Variants in SRC observed in about 807,000 individuals in gnomAD.
The protein encoded by SRC is proto-oncogene tyrosine-protein kinase Src.
Under a neutral mutation model 62.9 loss-of-function variants are expected in SRC, and 13 were observed. The observed-to-expected ratio is 0.21, with a 90% confidence interval of 0.13 to 0.33. The LOEUF is 0.33. SRC is among the 10% of genes least tolerant of loss of function. The pLI, the probability that SRC is intolerant of heterozygous loss-of-function variation, is 1.00. For synonymous variants in SRC, 302 were observed against 317.5 expected, an observed-to-expected ratio of 0.95 and a Z score of 0.52; for missense variants, 457 against 737.3, an observed-to-expected ratio of 0.62 and a Z score of 4.40.
chr20:37,357,287 C>T (rs2069897153), intron 1 of SRC, among the ~76,000 whole-genome samples: 1 of 152,216 alleles, frequency 6.6e-6, no homozygotes, highest in Non-Finnish European at 1.5e-5. Flanking sequence ...GGAGGACAGG[C>T]TGGGCTGGCT....
chr20:37,387,589 C>G (rs566765277), intron 5 of SRC, among the ~76,000 whole-genome samples: 105 of 152,338 alleles, frequency 6.9e-4, no homozygotes, highest in Non-Finnish European at 1.4e-3. Context: ...GCTCCGCCTC[C>G]CCCCTTGCAT....
chr20:37,348,558 G>A (rs952876255), intron 1 of SRC, among the ~76,000 whole-genome samples: 1 of 152,174 alleles, frequency 6.6e-6, no homozygotes, highest in African/African-American at 2.4e-5. Context: ...CTAGAAGGTG[G>A]CAGGGCCTGA....
intron 5 of SRC, among the ~76,000 whole-genome samples, chr20:37,390,109 A>G (rs1171635240): frequency 1.3e-5 from 2 of 152,098 alleles, no homozygotes; most frequent in African/African-American, 4.8e-5. Flanking sequence ...ATCTCAGTTT[A>G]CTCTGAGCCC....
chr20:37,375,359 G>A (rs1568629815), intron 2 of SRC, among the ~76,000 whole-genome samples: 1 of 151,946 alleles, frequency 6.6e-6, no homozygotes, highest in Non-Finnish European at 1.5e-5. Context: ...AGCCTCCTGC[G>A]TAGCTGGGTC....
chr20:37,370,310 C>T (rs975350794), intron 2 of SRC, among the ~76,000 whole-genome samples: 2 of 152,266 alleles, frequency 1.3e-5, no homozygotes, highest in African/African-American at 2.4e-5. Flanking sequence ...CTTGGTACCT[C>T]ACGCCTGTAA....
chr20:37,350,957 G>A (rs1443521415), intron 1 of SRC, among the ~76,000 whole-genome samples: 1 of 152,200 alleles, frequency 6.6e-6, no homozygotes, highest in Non-Finnish European at 1.5e-5. Flanking sequence ...GGGGGATTGA[G>A]GCTAGAAAGA....
rs1354417648 is a variant in SRC at position 37,384,120 on chromosome 20, T to A, written c.-4-30T>A. The A allele has an allele frequency of 1.3e-6, 2 of 1,593,360 alleles. No individual in the cohort carries two copies. Among genetic ancestry groups the A allele is most frequent in the African/African-American group, 2.7e-5 (2 of 73,346 alleles). On this transcript the variant is annotated intron_variant, in intron 3 of 13. Transcript: ENST00000373578. This position sits in a 1 kb window ranked among gnomAD's most constrained non-coding sequence, Gnocchi z 6.7. ...GCCAAGGGGCCCCGGCAGCCCTGCC[T>A]GTTCCAGTGTCTTCTCTCTCTCCTG... is the stretch of plus-strand genomic sequence containing the variant.
chr20:37,402,340 G>A lies in SRC; in HGVS notation c.1117-95G>A. The A allele has an allele frequency of 6.8e-7, 1 of 1,477,672 alleles. No individual in the cohort carries two copies. Among genetic ancestry groups the A allele is most frequent in the Non-Finnish European group, 9.2e-7 (1 of 1,089,746 alleles). The allele number at this position is 1,477,672 out of a possible 1,614,324, so 91.5% of individuals were successfully genotyped here. ...GCCTGAAGAAGTGTGGGGAGGGTGG[G>A]GAAGGGGTGGTTGGCTCTCCAGCCC... On this transcript the variant is annotated intron_variant, in intron 11 of 13. Transcript: ENST00000373578. This position sits in a 1 kb window ranked among gnomAD's most constrained non-coding sequence, Gnocchi z 6.2.
At position 37,400,306 on chromosome 20, in the gene SRC, G is replaced by A. The variant is rs1007922520; in HGVS notation, c.1039+12G>A. On this transcript the variant is annotated intron_variant, in intron 10 of 13. Transcript: ENST00000373578. Reference sequence around the variant, plus strand: ...GTACATGAGCAAGGGTGAGTCCTGGGCGGCCGGGGCAGGGGGCAGGGGCAC... The same window carrying A: ...GTACATGAGCAAGGGTGAGTCCTGGACGGCCGGGGCAGGGGGCAGGGGCAC... The A allele has an allele frequency of 1.2e-6, 2 of 1,601,120 alleles. No individual in the cohort carries two copies. Among genetic ancestry groups the A allele is most frequent in the African/African-American group, 2.7e-5 (2 of 74,782 alleles).
At chr20:37,399,512 C>G (rs914673580) in intron 9 of SRC, among the ~76,000 whole-genome samples, 3 of 151,998 alleles carry the variant, frequency 2.0e-5, no homozygotes, top group African/African-American at 7.2e-5. Flanking sequence ...AACCTTGGTC[C>G]CCTATCTGTC....
chr20:37,374,282 A>T (rs73620296), intron 2 of SRC, among the ~76,000 whole-genome samples: 1 of 151,660 alleles, frequency 6.6e-6, no homozygotes, highest in South Asian at 2.1e-4. Flanking sequence ...GTTTCACCAT[A>T]TTGGCCAGGC....
In SRC at chr20:37,384,078, G is replaced by A; in HGVS notation, c.-4-72G>A. 6.4e-7 allele frequency: 1 copy of A among 1,559,166 alleles called. No individual in the cohort carries two copies. Among genetic ancestry groups the A allele is most frequent in the Admixed American group, 1.8e-5 (1 of 55,896 alleles). On this transcript the variant is annotated intron_variant, in intron 3 of 13. Transcript: ENST00000373578. This position sits in a 1 kb window ranked among gnomAD's most constrained non-coding sequence, Gnocchi z 6.7. ...GCCTCGTTTTCCCTATCTGTGGAAT[G>A]GGTGGGAGGGAGGCCGGCCAAGGGG...
At chr20:37,392,038 T>C (rs986694484) in intron 5 of SRC, among the ~76,000 whole-genome samples, 1 of 152,010 alleles carries the variant, frequency 6.6e-6, no homozygotes, top group Non-Finnish European at 1.5e-5. Flanking sequence ...CGGGTGGGTG[T>C]ACAACAAGGA....
At chr20:37,385,620 A>C (rs1429729449) in intron 4 of SRC, among the ~76,000 whole-genome samples, 1 of 152,184 alleles carries the variant, frequency 6.6e-6, no homozygotes, top group Admixed American at 6.5e-5. Flanking sequence ...GGACACCAGG[A>C]GCGCCCAGAG....
intron 2 of SRC, among the ~76,000 whole-genome samples, chr20:37,369,198 C>T (rs888657420): frequency 5.9e-5 from 9 of 152,200 alleles, no homozygotes; most frequent in Admixed American, 3.3e-4. Context: ...ATTTTAAGAT[C>T]AGTTTGTCAA....
chr20:37,350,563 C>T (rs1467525755), intron 1 of SRC, among the ~76,000 whole-genome samples: 1 of 152,218 alleles, frequency 6.6e-6, no homozygotes, highest in Non-Finnish European at 1.5e-5. Flanking sequence ...AGGCCTCATT[C>T]CCTGCTGTTT....
chr20:37,350,658 C>T (rs1323441199), intron 1 of SRC, among the ~76,000 whole-genome samples: 5 of 152,206 alleles, frequency 3.3e-5, no homozygotes, highest in Non-Finnish European at 5.9e-5. Flanking sequence ...ATGTATTCCC[C>T]GTGGCTCAAA....
rs970958135 is a variant in SRC at position 37,398,258 on chromosome 20, G to A, written c.859+404G>A. 6.6e-6 allele frequency among the ~76,000 whole-genome samples: 1 copy of A among 152,154 alleles called. No homozygotes were observed. The highest frequency in any genetic ancestry group is 1.5e-5 in the Non-Finnish European group (1 of 68,018). On this transcript the variant is annotated intron_variant, in intron 9 of 13. Transcript: ENST00000373578. This position sits in a 1 kb window ranked among gnomAD's most constrained non-coding sequence, Gnocchi z 5.2. ...CGCCATGGAGAGAGAAGCCCGGCTCGCAGGAGGGAGTGCTGGGAAGCTTAG... is the reference window on the plus strand; with the variant it reads ...CGCCATGGAGAGAGAAGCCCGGCTCACAGGAGGGAGTGCTGGGAAGCTTAG...
At chr20:37,383,978 C>A (rs1166838070) in intron 3 of SRC, among the ~76,000 whole-genome samples, 172 bp from the exon 4 acceptor site, 8 of 152,048 alleles carry the variant, frequency 5.3e-5, no homozygotes, top group Non-Finnish European at 8.8e-5. Flanking sequence ...TCAAGTGATC[C>A]GCCCGCTTCG....
Sources: allele counts gnomAD v4.1 joint callset (sites outside exome capture counted in the v4.1 genomes callset), GRCh38; gene constraint gnomAD v4.1.1; non-coding constraint Gnocchi (gnomAD v3.1); transcripts MANE v1.5; gene names NCBI Gene and HGNC (gene_info 2026-07-23, HGNC 2026-07-21).